CSMD1: variants seen among roughly 807,000 people sequenced by gnomAD.
The protein encoded by CSMD1 is CUB and sushi domain-containing protein 1.
In CSMD1, 213 loss-of-function variants were observed where a neutral mutation model predicts 417.5. That is an observed-to-expected ratio of 0.51 (90% confidence interval 0.46 to 0.57). The LOEUF (loss-of-function observed/expected upper bound fraction) is 0.57. Among genes scored for constraint, CSMD1 ranks in the 20% least tolerant of loss-of-function variants. The pLI is 0.00. For missense variants in CSMD1, 6,923 were observed against 4,529.7 expected (o/e 1.53, Z -15.17); for synonymous variants, 2,862 against 1,736.8 (o/e 1.65, Z -16.11).
chr8:4,672,365 G>A (rs1047975211), intron 1 of CSMD1, among the ~76,000 whole-genome samples: 3 of 152,142 alleles, frequency 2.0e-5, no homozygotes, highest in African/African-American at 7.2e-5. Context: ...TGAAGTAACT[G>A]TAAAGAGACT....
chr8:4,839,015 T>C (rs994099307), intron 1 of CSMD1, among the ~76,000 whole-genome samples: 5 of 152,234 alleles, frequency 3.3e-5, no homozygotes, highest in Non-Finnish European at 7.3e-5. Flanking sequence ...TTCAGACTTG[T>C]GGTTTTGCCA....
intron 20 of CSMD1, among the ~76,000 whole-genome samples, chr8:3,362,064 CT>C (rs201156797): frequency 0.033 from 5,095 of 152,182 alleles, 118 homozygotes; most frequent in Non-Finnish European, 0.05. Context: ...GGAGTTTATC[CT>C]TTTTTTCCCC....
intron 8 of CSMD1, among the ~76,000 whole-genome samples, chr8:3,599,721 C>T (rs916872222): frequency 2.6e-5 from 4 of 152,180 alleles, no homozygotes; most frequent in Non-Finnish European, 4.4e-5. Context: ...CCCAGATTGG[C>T]GCCAACCTAT....
chr8:4,041,076 GC>G (rs539288711), intron 3 of CSMD1, among the ~76,000 whole-genome samples: 143 of 144,272 alleles, frequency 9.9e-4, no homozygotes, highest in African/African-American at 3.6e-3. Flanking sequence ...GAGTGCAGTG[GC>G]GCGATCTCGG....
At chr8:3,677,745 C>G (rs1185136056) in intron 7 of CSMD1, among the ~76,000 whole-genome samples, 1 of 152,166 alleles carries the variant, frequency 6.6e-6, no homozygotes, top group Non-Finnish European at 1.5e-5. Flanking sequence ...AAGCCCTAAA[C>G]TTTGTAAAAC....
At chr8:3,471,601 T>C (rs1205378191) in intron 11 of CSMD1, among the ~76,000 whole-genome samples, 15 of 135,398 alleles carry the variant, frequency 1.1e-4, no homozygotes, top group Middle Eastern at 3.8e-3. Flanking sequence ...CCTCCCTCCT[T>C]CTTCCTCTCT....
chr8:4,062,609 A>C (rs888935732), intron 3 of CSMD1, among the ~76,000 whole-genome samples: 1 of 152,192 alleles, frequency 6.6e-6, no homozygotes. Flanking sequence ...TCTGATCTTA[A>C]AGCTGGAAAA....
chr8:4,928,256 C>G (rs1304238640), intron 1 of CSMD1, among the ~76,000 whole-genome samples: 1 of 152,154 alleles, frequency 6.6e-6, no homozygotes, highest in Admixed American at 6.5e-5. Flanking sequence ...CAGCTCAAAC[C>G]CCACTCATCA....
At chr8:3,398,832 C>T (rs553629706) in intron 16 of CSMD1, among the ~76,000 whole-genome samples, 28 of 152,238 alleles carry the variant, frequency 1.8e-4, no homozygotes, top group Admixed American at 5.2e-4. Flanking sequence ...CCTACGCAGC[C>T]CAGCATGCTT....
chr8:3,555,447 G>A (rs557870254), intron 10 of CSMD1, among the ~76,000 whole-genome samples: 3 of 152,226 alleles, frequency 2.0e-5, no homozygotes, highest in African/African-American at 7.2e-5. Context: ...GGGTCAGGTG[G>A]CCCTGGCAGG....
chr8:3,983,245 C>T (rs1183656179), intron 5 of CSMD1, among the ~76,000 whole-genome samples: 1 of 151,538 alleles, frequency 6.6e-6, no homozygotes, highest in Non-Finnish European at 1.5e-5. Flanking sequence ...ATTCTCCTGC[C>T]TCAGCCTCCC....
chr8:4,314,801 A>G (rs773499887), intron 3 of CSMD1, among the ~76,000 whole-genome samples: 1 of 152,232 alleles, frequency 6.6e-6, no homozygotes, highest in Non-Finnish European at 1.5e-5. Context: ...ATTTATGAAT[A>G]AAGACCACAG....
intron 5 of CSMD1, among the ~76,000 whole-genome samples, chr8:3,939,735 G>C (rs1810750299): frequency 6.6e-6 from 1 of 152,096 alleles, no homozygotes; most frequent in Non-Finnish European, 1.5e-5. Flanking sequence ...GATGAACCTG[G>C]AGACCATTAG....
At chr8:3,835,317 C>G (rs539079084) in intron 5 of CSMD1, among the ~76,000 whole-genome samples, 1 of 152,072 alleles carries the variant, frequency 6.6e-6, no homozygotes, top group African/African-American at 2.4e-5. Context: ...TGGAACCATC[C>G]CAAATGTCCA....
At chr8:3,475,446 G>A (rs1445528106) in intron 11 of CSMD1, among the ~76,000 whole-genome samples, 1 of 152,116 alleles carries the variant, frequency 6.6e-6, no homozygotes, top group Non-Finnish European at 1.5e-5. Flanking sequence ...TCCAAATAAT[G>A]ATGTAAATCT....
intron 6 of CSMD1, among the ~76,000 whole-genome samples, chr8:3,737,229 CT>C (rs67653074): frequency 0.33 from 50,278 of 151,978 alleles, 8,486 homozygotes; most frequent in Admixed American, 0.37. Context: ...TGATTTTTTG[CT>C]TTCTAGAGAT....
intron 5 of CSMD1, among the ~76,000 whole-genome samples, chr8:3,940,090 C>G (rs1378964752): frequency 1.3e-5 from 2 of 151,992 alleles, no homozygotes; most frequent in African/African-American, 4.8e-5. Context: ...CTTATAAATG[C>G]AGATACGCCT....
intron 5 of CSMD1, among the ~76,000 whole-genome samples, chr8:3,763,198 T>C (rs918511540): frequency 6.6e-6 from 1 of 152,170 alleles, no homozygotes; most frequent in Non-Finnish European, 1.5e-5. Context: ...TCCCACATCA[T>C]AAAGTAGAAA....
At chr8:4,623,453 T>C (rs1419968551) in intron 2 of CSMD1, among the ~76,000 whole-genome samples, 1 of 152,130 alleles carries the variant, frequency 6.6e-6, no homozygotes, top group African/African-American at 2.4e-5. Flanking sequence ...ACATAAAACA[T>C]ACTACCCACC....
Sources: gnomAD v4.1 joint callset for allele counts (sites outside exome capture counted in the v4.1 genomes callset) on GRCh38, gnomAD v4.1.1 for gene constraint, MANE v1.5 for transcripts, NCBI Gene and HGNC (gene_info 2026-07-23, HGNC 2026-07-21) for gene names.